Variants in GPM6B observed in about 807,000 individuals in gnomAD.
GPM6B encodes neuronal membrane glycoprotein M6-b.
Under a neutral mutation model 27.2 loss-of-function variants are expected in GPM6B, and 4 were observed. That is an observed-to-expected ratio of 0.15 (90% CI 0.07 to 0.34). The LOEUF (loss-of-function observed/expected upper bound fraction) is 0.34, where lower values mean the gene tolerates loss of function less well. GPM6B is among the 10% of genes least tolerant of loss of function. The probability of loss-of-function intolerance (pLI) is 1.00; values close to 1 mark genes in which losing one functional copy is unlikely to be tolerated. For synonymous variants in GPM6B, 124 were observed against 103.1 expected, an observed-to-expected ratio of 1.20 and a Z score of -1.23; for missense variants, 183 against 261.9, an observed-to-expected ratio of 0.70 and a Z score of 2.08.
At chrX:13,835,192 C>T (rs1480220539) in intron 1 of GPM6B, among the ~76,000 whole-genome samples, 1 of 111,136 alleles carries the variant, frequency 9.0e-6, no homozygotes. Context: ...GCATCTAGCC[C>T]GGGACAACTA....
At chrX:13,845,148 C>T (rs1376820473) in intron 1 of GPM6B, among the ~76,000 whole-genome samples, 1 of 110,223 alleles carries the variant, frequency 9.1e-6, no homozygotes, top group Non-Finnish European at 1.9e-5. Flanking sequence ...CGTCACCATG[C>T]CCTGCTAATT....
At chrX:13,862,787 A>C (rs1048110056) in intron 1 of GPM6B, among the ~76,000 whole-genome samples, 1 of 111,061 alleles carries the variant, frequency 9.0e-6, no homozygotes, top group African/African-American at 3.3e-5. Context: ...CCTGGGCTCA[A>C]GTGACCCTCC....
At chrX:13,793,616 TAAAAG>T (rs758417499) in intron 2 of GPM6B, among the ~76,000 whole-genome samples, 2 of 112,203 alleles carry the variant, frequency 1.8e-5, no homozygotes, top group African/African-American at 6.5e-5. Context: ...AAGAAATGCT[TAAAAG>T]AAAACTAACT....
At chrX:13,930,985 A>G (rs894693296) in intron 1 of GPM6B, among the ~76,000 whole-genome samples, 12 of 110,661 alleles carry the variant, frequency 1.1e-4, no homozygotes, top group African/African-American at 4.0e-4. Context: ...GTAGCTCAAG[A>G]CCAGCCTGGC....
intron 1 of GPM6B, among the ~76,000 whole-genome samples, chrX:13,905,243 AAAAG>A (rs1395380536): frequency 0.013 from 1,338 of 106,242 alleles, 33 homozygotes; most frequent in African/African-American, 0.045. Context: ...AAAAAAAAAA[AAAAG>A]AAAAGAAAAG....
chrX:13,852,727 TC>T (rs1360427112), intron 1 of GPM6B, among the ~76,000 whole-genome samples: 1 of 110,500 alleles, frequency 9.0e-6, no homozygotes, highest in African/African-American at 3.3e-5. Context: ...TAGTTTCTGG[TC>T]TTTTGCTATT....
chrX:13,892,067 T>C (rs1241350350), intron 1 of GPM6B, among the ~76,000 whole-genome samples: 1 of 111,649 alleles, frequency 9.0e-6, no homozygotes, highest in African/African-American at 3.3e-5. Flanking sequence ...CAGCAAATTG[T>C]GTACCTAAGA....
At position 13,785,637 on chromosome X, in the gene GPM6B, G is replaced by A. The variant is rs1253105068; in HGVS notation, c.353C>T (p.Ala118Val). Reference protein sequence around the residue: ...QHFSTNASDHALLSEVIQLMQ... With the variant: ...QHFSTNASDHVLLSEVIQLMQ... ...GGATACTTACACCTCGCTCAGCAAG[G>A]CATGGTCACTGGCGTTGGTGGAGAA... The change falls in exon 3 of 8, where the codon GCC becomes GTC. Residue 118 changes from alanine to valine, a missense_variant. Physicochemically the swap from Ala to Val is moderately conservative, Grantham distance 64. Transcript: ENST00000316715. 8.3e-7 allele frequency: 1 copy of A among 1,211,117 alleles called. No individual in the cohort carries two copies. Among genetic ancestry groups the A allele is most frequent in the Admixed American group, 2.2e-5 (1 of 46,045 alleles).
In GPM6B at chrX:13,772,981, G is replaced by T; in HGVS notation, c.887C>A (p.Ala296Glu). ...ATCCTGGTAAGCCTGCATTTTGCTC[G>T]CATCCTTTAAGTAAGCCCAGTTAGA... ...LSSNWAYLKD[A>E]SKMQAYQDIK... Residue 296 changes from alanine to glutamate, a missense_variant, in exon 8 of 8, where the codon GCG (alanine) becomes GAG (glutamate). By Grantham distance (107) the Ala-to-Glu change is moderately radical. Transcript: ENST00000316715. The T allele has an allele frequency of 8.3e-7, 1 of 1,208,988 alleles. No homozygotes were observed. Among genetic ancestry groups the T allele is most frequent in the Non-Finnish European group, 1.1e-6 (1 of 893,217 alleles).
chrX:13,775,275 T>C (rs2048390466), intron 7 of GPM6B, among the ~76,000 whole-genome samples: 1 of 113,197 alleles, frequency 8.8e-6, no homozygotes, highest in South Asian at 3.6e-4. Context: ...TTTGTAATCC[T>C]TAATACTTGA....
At chrX:13,782,724 C>T (rs1264614384) in intron 4 of GPM6B, among the ~76,000 whole-genome samples, 1 of 101,144 alleles carries the variant, frequency 9.9e-6, no homozygotes, top group African/African-American at 3.7e-5. Context: ...ACACTGCCCT[C>T]CCCAGCCTTG....
chrX:13,906,351 A>T (rs1358996485), intron 1 of GPM6B, among the ~76,000 whole-genome samples: 4 of 112,117 alleles, frequency 3.6e-5, no homozygotes, highest in African/African-American at 1.3e-4. Context: ...CCCATTTTGG[A>T]GGCTCAGCAC....
At chrX:13,911,859 T>C (rs2050381362) in intron 1 of GPM6B, among the ~76,000 whole-genome samples, 1 of 112,310 alleles carries the variant, frequency 8.9e-6, no homozygotes, top group Non-Finnish European at 1.9e-5. Context: ...ATAAAAATAT[T>C]TCCCAAAGAA....
At chrX:13,918,944 T>G (rs916948757) in intron 1 of GPM6B, among the ~76,000 whole-genome samples, 5 of 111,847 alleles carry the variant, frequency 4.5e-5, no homozygotes, top group African/African-American at 1.6e-4. Context: ...CATATGAGAT[T>G]TGGGCGGGGA....
intron 4 of GPM6B, among the ~76,000 whole-genome samples, chrX:13,780,658 G>A (rs1277284055): frequency 5.4e-5 from 6 of 111,918 alleles, no homozygotes; most frequent in East Asian, 2.8e-4. Flanking sequence ...GCAAAGCAAC[G>A]GCTTAGGGAA....
In GPM6B at chrX:13,779,805, T is replaced by C; in HGVS notation, c.697+13A>G. The C allele has an allele frequency of 2.6e-6, 3 of 1,141,640 alleles. No individual in the cohort carries two copies. The highest frequency in any genetic ancestry group is 2.5e-4 in the Middle Eastern group (1 of 4,047). The allele number at this position is 1,141,640 out of a possible 1,213,427, so 94.1% of individuals were successfully genotyped here. A position where few individuals can be genotyped will look rare whatever the true frequency, so the allele number is the denominator to read the frequency against. The stretch of plus-strand genomic sequence containing the variant: ...TGAAATAACTGGGGGAGGGGTGAAT[T>C]AGAAGGAAGTACCGTATTGTCGGAT... On this transcript the variant is annotated intron_variant, in intron 5 of 7. Transcript: ENST00000316715.
intron 1 of GPM6B, among the ~76,000 whole-genome samples, chrX:13,858,850 C>T (rs1463959592): frequency 1.8e-5 from 2 of 111,917 alleles, no homozygotes; most frequent in African/African-American, 6.5e-5. Context: ...AAACTGTCTG[C>T]AATTTCTCTA....
At chrX:13,845,621 G>T (rs1195537913) in intron 1 of GPM6B, among the ~76,000 whole-genome samples, 1 of 110,740 alleles carries the variant, frequency 9.0e-6, no homozygotes, top group Non-Finnish European at 1.9e-5. Context: ...ATTTTCAGTG[G>T]TTTGTTTCAA....
chrX:13,865,563 G>GA (rs2049904531), intron 1 of GPM6B, among the ~76,000 whole-genome samples: 4 of 45,052 alleles, frequency 8.9e-5, no homozygotes, highest in Admixed American at 2.8e-4. Flanking sequence ...AAAAAAAAAA[G>GA]AAAGAAAGAA....
Sources: allele counts gnomAD v4.1 joint callset (sites outside exome capture counted in the v4.1 genomes callset), GRCh38; gene constraint gnomAD v4.1.1; transcripts MANE v1.5; gene names NCBI Gene and HGNC (gene_info 2026-07-23, HGNC 2026-07-21).